Variants in ARMC8 observed in about 807,000 individuals in gnomAD.
ARMC8 encodes armadillo repeat-containing protein 8.
Under a neutral mutation model 99.3 loss-of-function variants are expected in ARMC8, and 20 were observed. The observed-to-expected ratio is 0.20, with a 90% confidence interval of 0.14 to 0.29. The LOEUF is 0.29. ARMC8 is among the 10% of genes least tolerant of loss of function. ARMC8 has a pLI of 1.00. For synonymous variants in ARMC8, 263 were observed against 278.3 expected (o/e 0.95, Z 0.55); for missense variants, 569 against 809.5 (o/e 0.70, Z 3.60).
chr3:138,237,673 T>G, intron 9 of ARMC8, 101 bp downstream of exon 9: 1 of 923,540 alleles, frequency 1.1e-6, no homozygotes, highest in Non-Finnish European at 1.6e-6. Flanking sequence ...CCATTTTATT[T>G]TGAGATTTTG....
rs78087487 is a variant in ARMC8, at chr3:138,277,085, G to A, written c.1725+2541G>A. 8.3e-4 allele frequency among the ~76,000 whole-genome samples: 127 copies of A among 152,200 alleles called. 4 individuals are homozygous for A. The East Asian group carries it at 0.014, about 17-fold the overall frequency. Reference sequence around the variant, plus strand: ...TTAGCAAAAAAAGATAGCACATATCGACCAATGGAACAGACTAGAGAGTCC... The same window carrying A: ...TTAGCAAAAAAAGATAGCACATATCAACCAATGGAACAGACTAGAGAGTCC... On this transcript the variant is annotated intron_variant, in intron 18 of 21. Coordinates refer to ENST00000469044, the MANE Select transcript of ARMC8 (RefSeq NM_001363941.2).
At chr3:138,218,868 CTACTGGGAAAAGGG>C (rs2108064887) in intron 2 of ARMC8, among the ~76,000 whole-genome samples, 1 of 152,158 alleles carries the variant, frequency 6.6e-6, no homozygotes, top group Admixed American at 6.5e-5. Context: ...TTCTTTTGGT[CTACTGGGAAAAGGG>C]TATCTGACTA....
chr3:138,207,480 T>A (rs1271627746), intron 1 of ARMC8, among the ~76,000 whole-genome samples: 1 of 152,184 alleles, frequency 6.6e-6, no homozygotes, highest in Non-Finnish European at 1.5e-5. Context: ...TATGTTAAGA[T>A]ACACATCATT....
rs58707271 is a variant in ARMC8, at chr3:138,201,436, C to CTTTTTTTTTTTTTTTTTTTTTTTTT, written c.46-8364_46-8340dup. 3.1e-5 allele frequency among the ~76,000 whole-genome samples: 2 copies of CTTTTTTTTTTTTTTTTTTTTTTTTT among 64,932 alleles called. 1 individual carries two copies. The highest frequency in any genetic ancestry group is 6.8e-5 in the Non-Finnish European group (2 of 29,392). 42.6% of individuals were successfully genotyped at this position (64,932 alleles called of 152,430 possible). A position where few individuals can be genotyped will look rare whatever the true frequency, so the allele number is the denominator to read the frequency against. On this transcript the variant is annotated intron_variant, in intron 1 of 21. Transcript: ENST00000469044. The stretch of plus-strand genomic sequence containing the variant: ...TAGAGTCCTTGTCTTCTTCCCCTCC[C>CTTTTTTTTTTTTTTTTTTTTTTTTT]TTTTTTTTTTTTTTTTTTTTTTTTT...
chr3:138,271,798 C>CTTTTTTTTTTTTTTTTTTTTTTT (rs776320900), intron 16 of ARMC8, among the ~76,000 whole-genome samples: 1 of 136,134 alleles, frequency 7.3e-6, no homozygotes, highest in African/African-American at 2.8e-5. Context: ...TTTTTTCTTT[C>CTTTTTTTTTTTTTTTTTTTTTTT]TTTTTTTTTT....
intron 2 of ARMC8, among the ~76,000 whole-genome samples, chr3:138,213,791 A>G (rs2044845265): frequency 6.6e-6 from 1 of 152,224 alleles, no homozygotes; most frequent in Non-Finnish European, 1.5e-5. Flanking sequence ...CTACTTAAAC[A>G]GTTTTGTTTT....
intron 2 of ARMC8, among the ~76,000 whole-genome samples, chr3:138,220,799 C>T (rs1376190600): frequency 6.6e-6 from 1 of 151,452 alleles, no homozygotes; most frequent in Non-Finnish European, 1.5e-5. Context: ...AAGTGATCCT[C>T]CTACCTTAGC....
At chr3:138,245,037 G>C in intron 11 of ARMC8, 51 bp from the exon 12 acceptor site, 1 of 1,573,746 alleles carries the variant, frequency 6.4e-7, no homozygotes, top group Non-Finnish European at 8.7e-7. Flanking sequence ...TAATGTTATT[G>C]AAAGTTGAAT....
intron 11 of ARMC8, 83 bp from the exon 12 acceptor site, chr3:138,245,005 C>CTTTTT: frequency 6.7e-7 from 1 of 1,488,022 alleles, no homozygotes; most frequent in Non-Finnish European, 9.1e-7. Context: ...AAGTTGTAAA[C>CTTTTT]TTTTTTTTTC....
At chr3:138,243,952 G>A (rs889708805) in intron 11 of ARMC8, among the ~76,000 whole-genome samples, 4 of 152,110 alleles carry the variant, frequency 2.6e-5, no homozygotes, top group African/African-American at 9.7e-5. Context: ...TTTTAGTTAC[G>A]AGGTTATTTA....
rs2047619492 is a variant in ARMC8 at position 138,260,104 on chromosome 3, C to T, written c.1135-3635C>T. On this transcript the variant is annotated intron_variant, in intron 12 of 21. Coordinates refer to ENST00000469044, the MANE Select transcript of ARMC8 (RefSeq NM_001363941.2). ...TTTTGAGTTTCAAAACCATGCCTGT[C>T]ACTCTCTGGGCACTCAGATATTTGC... is the stretch of plus-strand genomic sequence containing the variant. Among the ~76,000 whole-genome samples the T allele has an allele frequency of 2.0e-5, 3 of 152,220 alleles. No homozygotes were observed. The South Asian group carries it at 6.2e-4, about 32-fold the overall frequency.
At chr3:138,282,665 ATTGTATT>A (rs1460742872) in intron 18 of ARMC8, among the ~76,000 whole-genome samples, 1 of 150,788 alleles carries the variant, frequency 6.6e-6, no homozygotes, top group Non-Finnish European at 1.5e-5. Context: ...AGGAACACTC[ATTGTATT>A]TAATTACCTT....
At chr3:138,249,506 GA>G (rs2047030776) in intron 12 of ARMC8, among the ~76,000 whole-genome samples, 1 of 151,796 alleles carries the variant, frequency 6.6e-6, no homozygotes, top group African/African-American at 2.4e-5. Context: ...CTAGATGTAT[GA>G]TTTTTTTAAA....
chr3:138,242,213 T>G (rs540006563), intron 11 of ARMC8, among the ~76,000 whole-genome samples: 18 of 152,300 alleles, frequency 1.2e-4, no homozygotes, highest in African/African-American at 4.3e-4. Context: ...GAAAATTGCA[T>G]CCTAACTCCC....
At chr3:138,196,947 G>C (rs1023271068) in intron 1 of ARMC8, among the ~76,000 whole-genome samples, 1 of 152,130 alleles carries the variant, frequency 6.6e-6, no homozygotes, top group African/African-American at 2.4e-5. Context: ...AAACTCATGT[G>C]AGCTATTATG....
intron 18 of ARMC8, among the ~76,000 whole-genome samples, chr3:138,277,690 A>G (rs2049437482): frequency 6.6e-6 from 1 of 152,242 alleles, no homozygotes; most frequent in Non-Finnish European, 1.5e-5. Flanking sequence ...TCTAGTGGAA[A>G]TGCAAAATAA....
intron 1 of ARMC8, among the ~76,000 whole-genome samples, chr3:138,197,100 T>G (rs1310353447): frequency 6.6e-6 from 1 of 152,060 alleles, no homozygotes; most frequent in Non-Finnish European, 1.5e-5. Flanking sequence ...CCAAACAAAC[T>G]ACAAAGTAAG....
intron 21 of ARMC8, 39 bp from the exon 22 acceptor site, chr3:138,295,820 A>T (rs1215483960): frequency 6.2e-7 from 1 of 1,611,652 alleles, no homozygotes; most frequent in Non-Finnish European, 8.5e-7. Context: ...CCCAATTACA[A>T]TTCTGAGATG....
chr3:138,232,002 G>A (rs530936592), intron 6 of ARMC8, among the ~76,000 whole-genome samples: 45 of 106,738 alleles, frequency 4.2e-4, no homozygotes, highest in Middle Eastern at 0.012. Flanking sequence ...ATGGAGTCTC[G>A]CTCTGTCTTC....
Sources: allele counts gnomAD v4.1 joint callset (sites outside exome capture counted in the v4.1 genomes callset), GRCh38; gene constraint gnomAD v4.1.1; transcripts MANE v1.5; gene names NCBI Gene and HGNC (gene_info 2026-07-23, HGNC 2026-07-21).